NFATC3: variants seen among roughly 807,000 people sequenced by gnomAD.
The protein encoded by NFATC3 is nuclear factor of activated T-cells, cytoplasmic 3.
Under a neutral mutation model 98.6 loss-of-function variants are expected in NFATC3, and 46 were observed. That is an observed-to-expected ratio of 0.47 (90% CI 0.37 to 0.60). The LOEUF is 0.60. NFATC3 is among the 20% of genes least tolerant of loss of function. The probability of loss-of-function intolerance (pLI) is 0.00; values close to 1 mark genes in which losing one functional copy is unlikely to be tolerated. For synonymous variants in NFATC3, 512 were observed against 472.2 expected, an observed-to-expected ratio of 1.08 and a Z score of -1.09; for missense variants, 1,256 against 1,295.5, an observed-to-expected ratio of 0.97 and a Z score of 0.47.
At chr16:68,221,321 G>T in intron 9 of NFATC3, 1 of 1,609,618 alleles carries the variant, frequency 6.2e-7, no homozygotes. Context: ...GCCCGAGGGA[G>T]AAGTGAGGGA....
chr16:68,101,796 T>C (rs1231566255), intron 1 of NFATC3, among the ~76,000 whole-genome samples: 3 of 152,110 alleles, frequency 2.0e-5, no homozygotes, highest in African/African-American at 4.8e-5. Context: ...AAGTATCTTT[T>C]AGGTGCCTGA....
At chr16:68,133,415 A>G (rs1402336219) in intron 3 of NFATC3, among the ~76,000 whole-genome samples, 3 of 152,242 alleles carry the variant, frequency 2.0e-5, no homozygotes, top group East Asian at 1.9e-4. Context: ...GCAAATATGT[A>G]TAATTATTAC....
intron 1 of NFATC3, among the ~76,000 whole-genome samples, chr16:68,090,191 A>G (rs1049528212): frequency 2.6e-5 from 4 of 151,788 alleles, no homozygotes; most frequent in African/African-American, 9.7e-5. Flanking sequence ...TTTTTAGTCA[A>G]GGTTTTTGTT....
intron 6 of NFATC3, 71 bp downstream of exon 6, chr16:68,174,585 TG>T (rs1449722141): frequency 4.4e-5 from 56 of 1,267,638 alleles, no homozygotes; most frequent in Non-Finnish European, 5.6e-5. Flanking sequence ...TAGATGTTTC[TG>T]TAACAAAAAT....
chr16:68,215,721 A>ATTTTTTT (rs2041606508), intron 9 of NFATC3, among the ~76,000 whole-genome samples: 9 of 104,712 alleles, frequency 8.6e-5, no homozygotes, highest in South Asian at 3.0e-4. Context: ...AGAGATTTGC[A>ATTTTTTT]CTTTTTTTTT....
intron 1 of NFATC3, among the ~76,000 whole-genome samples, chr16:68,095,194 T>TA (rs1180491404): frequency 6.6e-6 from 1 of 151,628 alleles, no homozygotes; most frequent in African/African-American, 2.4e-5. Flanking sequence ...CTGAGGGACT[T>TA]AAAAAAAATT....
intron 1 of NFATC3, among the ~76,000 whole-genome samples, chr16:68,117,218 A>G (rs1459917321): frequency 6.6e-6 from 1 of 152,250 alleles, no homozygotes; most frequent in Non-Finnish European, 1.5e-5. Flanking sequence ...CCATTTAGAT[A>G]GGTGACATTG....
intron 6 of NFATC3, among the ~76,000 whole-genome samples, chr16:68,174,765 T>G (rs564591545): frequency 6.6e-6 from 1 of 152,320 alleles, no homozygotes; most frequent in East Asian, 1.9e-4. Context: ...GGAGGATCAC[T>G]TAGGCCCAGA....
intron 1 of NFATC3, among the ~76,000 whole-genome samples, chr16:68,104,483 C>T (rs1222286544): frequency 6.6e-6 from 1 of 151,974 alleles, no homozygotes; most frequent in Non-Finnish European, 1.5e-5. Flanking sequence ...AGTTTTACTT[C>T]TTCCTTTCCA....
chr16:68,197,030 C>G (rs916068220), intron 9 of NFATC3, among the ~76,000 whole-genome samples: 2 of 151,276 alleles, frequency 1.3e-5, no homozygotes, highest in Non-Finnish European at 2.9e-5. Context: ...AAGTCCATCT[C>G]AAGAAAATAA....
intron 9 of NFATC3, among the ~76,000 whole-genome samples, chr16:68,203,574 A>T (rs2041017058): frequency 6.6e-6 from 1 of 152,144 alleles, no homozygotes; most frequent in Non-Finnish European, 1.5e-5. Flanking sequence ...CAGAGGTTGA[A>T]ATTAGCAGAG....
intron 1 of NFATC3, among the ~76,000 whole-genome samples, chr16:68,088,198 C>A (rs2034491878): frequency 6.6e-6 from 1 of 151,440 alleles, no homozygotes; most frequent in Non-Finnish European, 1.5e-5. Flanking sequence ...GTGTGTTTGC[C>A]GAACTTATTT....
chr16:68,185,755 C>T (rs533387107), intron 8 of NFATC3, among the ~76,000 whole-genome samples: 52 of 147,530 alleles, frequency 3.5e-4, no homozygotes, highest in African/African-American at 1.3e-3. Context: ...CCTAGCTACT[C>T]GGGAGGCTGA....
intron 1 of NFATC3, among the ~76,000 whole-genome samples, chr16:68,114,764 G>A (rs926631459): frequency 6.6e-6 from 1 of 151,850 alleles, no homozygotes; most frequent in Non-Finnish European, 1.5e-5. Context: ...TAGTAGAGAC[G>A]GGGTTTCACC....
At chr16:68,111,878 AC>A (rs1168025517) in intron 1 of NFATC3, among the ~76,000 whole-genome samples, 2 of 152,126 alleles carry the variant, frequency 1.3e-5, no homozygotes, top group African/African-American at 4.8e-5. Context: ...TCTTTCACTT[AC>A]GAAGCTTAAT....
chr16:68,143,210 A>G (rs1222475865), intron 3 of NFATC3, among the ~76,000 whole-genome samples: 1 of 119,022 alleles, frequency 8.4e-6, no homozygotes, highest in East Asian at 2.1e-4. Context: ...AGACCATGCT[A>G]AAAAAAAAAA....
chr16:68,218,382 C>T (rs1238106107), intron 9 of NFATC3, among the ~76,000 whole-genome samples: 1 of 151,506 alleles, frequency 6.6e-6, no homozygotes, highest in African/African-American at 2.4e-5. Context: ...TGAGACCAGC[C>T]TGGGCAACAT....
Position 68,190,854 on chromosome 16 carries a change from C to A in NFATC3, c.2185C>A (p.Pro729Thr). 6.2e-7 allele frequency: 1 copy of A among 1,614,106 alleles called. No homozygotes were observed. The highest frequency in any genetic ancestry group is 1.1e-5 in the South Asian group (1 of 91,084). ...PVPHPAQTQRPSSDSGCSHDS... is the reference protein window; with the variant it reads ...PVPHPAQTQRTSSDSGCSHDS... Reference sequence around the variant, plus strand: ...GCCTCATCCTGCTCAGACCCAGAGGCCTTCCTCTGATTCAGGGTGTTCACA... The same window carrying A: ...GCCTCATCCTGCTCAGACCCAGAGGACTTCCTCTGATTCAGGGTGTTCACA... Residue 729 changes from proline to threonine, a missense_variant, in exon 9 of 10, where the codon CCT becomes ACT. Pro to Thr is a conservative substitution (Grantham distance 38, BLOSUM62 -1). This residue lies in a region of NFATC3 where 636 missense variants were observed against 617.3 expected (regional missense o/e 1.03). Transcript: ENST00000346183.
intron 9 of NFATC3, among the ~76,000 whole-genome samples, chr16:68,219,378 G>A (rs2041768316): frequency 6.6e-6 from 1 of 151,790 alleles, no homozygotes; most frequent in South Asian, 2.1e-4. Context: ...GCAAGACTCT[G>A]TCTCAAAAAA....
Sources: gnomAD v4.1 joint callset for allele counts (sites outside exome capture counted in the v4.1 genomes callset) on GRCh38, gnomAD v4.1.1 for gene constraint, gnomAD v4.1.1 regional missense constraint, MANE v1.5 for transcripts, NCBI Gene and HGNC (gene_info 2026-07-23, HGNC 2026-07-21) for gene names.